USP32: variants seen among roughly 807,000 people sequenced by gnomAD.
USP32 encodes the protein ubiquitin carboxyl-terminal hydrolase 32.
Under a neutral mutation model 204.8 loss-of-function variants are expected in USP32, and 59 were observed. The ratio of observed to expected loss-of-function variants is 0.29; its 90% confidence interval spans 0.23 to 0.36. The LOEUF is 0.36. Ranked by LOEUF, USP32 falls within the 10% of genes least tolerant of loss-of-function variation. USP32 has a pLI of 1.00. For missense variants in USP32, 1,160 were observed against 1,946.4 expected, an observed-to-expected ratio of 0.60 and a Z score of 7.60; for synonymous variants, 517 against 678.4, an observed-to-expected ratio of 0.76 and a Z score of 3.70.
In USP32 at chr17:60,226,122, C is replaced by A; in HGVS notation, c.1349G>T (p.Ser450Ile). 1 of 1,607,910 alleles carries A rather than the reference C, an allele frequency of 6.2e-7. No individual in the cohort carries two copies. The highest frequency in any genetic ancestry group is 2.2e-5 in the East Asian group (1 of 44,578). Reference protein sequence around the residue: ...MEQVEDRIGSSLSYVNTTEEK... With the variant: ...MEQVEDRIGSILSYVNTTEEK... ...TTCTGTAGTATTCACGTAACTGAGG[C>A]TGCTTCCAATTCTATCTTCGACCTG... Residue 450 changes from serine (S) to isoleucine (I), a missense_variant, in exon 13 of 34, where the codon AGC (serine) becomes ATC (isoleucine). By Grantham distance (142) the Ser-to-Ile change is moderately radical. Coordinates refer to ENST00000300896, the MANE Select transcript of USP32 (RefSeq NM_032582.4).
At chr17:60,349,057 G>C (rs1416286236) in intron 1 of USP32, among the ~76,000 whole-genome samples, 3 of 151,758 alleles carry the variant, frequency 2.0e-5, no homozygotes, top group African/African-American at 7.3e-5. Flanking sequence ...AAATTAGGTT[G>C]TTCACAGTCT....
intron 2 of USP32, among the ~76,000 whole-genome samples, chr17:60,339,055 G>A (rs944276091): frequency 4.6e-5 from 7 of 151,602 alleles, no homozygotes; most frequent in African/African-American, 1.7e-4. Context: ...GATTACAGGA[G>A]CCCGCCACCA....
chr17:60,232,948 G>C (rs1194676190), intron 12 of USP32, among the ~76,000 whole-genome samples: 1 of 152,124 alleles, frequency 6.6e-6, no homozygotes, highest in Non-Finnish European at 1.5e-5. Context: ...ACTGGGCTAA[G>C]TGCTTCACAT....
intron 1 of USP32, among the ~76,000 whole-genome samples, chr17:60,350,875 T>C (rs1042809994): frequency 2.0e-5 from 3 of 151,964 alleles, no homozygotes. Context: ...AAAAACCACC[T>C]GTACCCCAAA....
At chr17:60,385,352 C>T (rs1423087466) in intron 1 of USP32, among the ~76,000 whole-genome samples, 1 of 152,198 alleles carries the variant, frequency 6.6e-6, no homozygotes, top group African/African-American at 2.4e-5. Context: ...TAAAAACCTT[C>T]ATTGCTCACA....
At chr17:60,248,000 T>A (rs1022919793) in intron 11 of USP32, among the ~76,000 whole-genome samples, 1 of 152,156 alleles carries the variant, frequency 6.6e-6, no homozygotes, top group African/African-American at 2.4e-5. Context: ...TATTTCTGGG[T>A]TCTCTGTTCT....
intron 28 of USP32, among the ~76,000 whole-genome samples, chr17:60,191,399 T>TTA (rs1227062271): frequency 9.3e-6 from 1 of 107,246 alleles, no homozygotes; most frequent in Non-Finnish European, 1.7e-5. Context: ...GAGACTCTGT[T>TTA]TAAAAAAAAA....
chr17:60,258,892 G>T (rs981339268), intron 9 of USP32, among the ~76,000 whole-genome samples: 4 of 151,936 alleles, frequency 2.6e-5, no homozygotes, highest in Non-Finnish European at 5.9e-5. Flanking sequence ...CCTATTTTTT[G>T]ACCTTTCCAT....
At chr17:60,344,393 G>T (rs1317552601) in intron 2 of USP32, among the ~76,000 whole-genome samples, 1 of 152,088 alleles carries the variant, frequency 6.6e-6, no homozygotes, top group African/African-American at 2.4e-5. Context: ...CTCCCAAAGT[G>T]CGGGGATTAC....
chr17:60,382,316 G>A (rs1030923947), intron 1 of USP32, among the ~76,000 whole-genome samples: 6 of 152,200 alleles, frequency 3.9e-5, no homozygotes, highest in African/African-American at 1.4e-4. Flanking sequence ...CAGCAACACA[G>A]TGAGGCTTCG....
chr17:60,326,932 CATA>C (rs1355674868), intron 2 of USP32, among the ~76,000 whole-genome samples: 2 of 151,764 alleles, frequency 1.3e-5, no homozygotes, highest in African/African-American at 2.4e-5. Context: ...AAGTTGATCT[CATA>C]GAAGTAGAGA....
intron 1 of USP32, among the ~76,000 whole-genome samples, chr17:60,408,662 G>A (rs2089996746): frequency 6.6e-6 from 1 of 152,136 alleles, no homozygotes; most frequent in Admixed American, 6.6e-5. Context: ...ACAGGCATGA[G>A]CCACCATGCC....
chr17:60,343,573 G>A (rs1338501240), intron 2 of USP32, among the ~76,000 whole-genome samples: 2 of 152,070 alleles, frequency 1.3e-5, no homozygotes, highest in East Asian at 3.8e-4. Context: ...ACGAAATGAA[G>A]GCAGAAATAA....
At chr17:60,237,827 A>T (rs563664319) in intron 11 of USP32, among the ~76,000 whole-genome samples, 1 of 152,200 alleles carries the variant, frequency 6.6e-6, no homozygotes, top group Non-Finnish European at 1.5e-5. Flanking sequence ...TTAACCATTC[A>T]TCCACTGATG....
At chr17:60,301,318 A>G (rs1475407269) in intron 3 of USP32, 4 of 217,998 alleles carry the variant, frequency 1.8e-5, no homozygotes, top group Non-Finnish European at 9.0e-6. Context: ...CCCATCAGCA[A>G]TGTATGATGT....
intron 1 of USP32, among the ~76,000 whole-genome samples, chr17:60,405,844 G>T (rs866263430): frequency 4.6e-5 from 7 of 152,216 alleles, no homozygotes; most frequent in African/African-American, 1.7e-4. Flanking sequence ...ATCGTGCATA[G>T]AATTTTATTC....
rs771193402 is a variant in USP32 at position 60,345,521 on chromosome 17, C to T, written c.146G>A (p.Arg49Gln). The T allele has an allele frequency of 1.4e-5, 23 of 1,614,022 alleles. No homozygotes were observed. Among genetic ancestry groups the T allele is most frequent in the African/African-American group, 2.7e-5 (2 of 74,914 alleles). Residue 49 changes from arginine (R) to glutamine (Q), a missense_variant, in exon 2 of 34, where the codon CGG becomes CAG. This residue lies in a region of USP32 where 536 missense variants were observed against 680.9 expected (regional missense o/e 0.79). Coordinates refer to ENST00000300896, the MANE Select transcript of USP32 (RefSeq NM_032582.4). ...SYYMGQHCFI[R>Q]EVLGDGVPPK... ...AGGCACTCCATCCCCAAGCACTTCC[C>T]GGATGAAGCAGTGCTGGCCCATGTA...
At chr17:60,359,340 A>G (rs1440843207) in intron 1 of USP32, among the ~76,000 whole-genome samples, 1 of 152,204 alleles carries the variant, frequency 6.6e-6, no homozygotes, top group African/African-American at 2.4e-5. Flanking sequence ...TGCCTTATTT[A>G]TATGTATCCC....
At position 60,205,344 on chromosome 17, in the gene USP32, G is replaced by A. The variant is rs1346044381; in HGVS notation, c.3249+103C>T. ...TTAAATTTTAAAAAATTAAAGAAAA[G>A]AAGAGAAGAAAATACATTCAATGAT... On this transcript the variant is annotated intron_variant, in intron 26 of 33. Transcript: ENST00000300896. 3 of 1,427,452 alleles carry A rather than the reference G, an allele frequency of 2.1e-6. No homozygotes were observed. The East Asian group carries it at 7.7e-5, about 37-fold the overall frequency. The allele number at this position is 1,427,452 out of a possible 1,614,324, so 88.4% of individuals were successfully genotyped here. A position where few individuals can be genotyped will look rare whatever the true frequency, so the allele number is the denominator to read the frequency against.
Sources: allele counts gnomAD v4.1 joint callset (sites outside exome capture counted in the v4.1 genomes callset), GRCh38; gene constraint gnomAD v4.1.1; regional missense constraint gnomAD v4.1.1; transcripts MANE v1.5; gene names NCBI Gene and HGNC (gene_info 2026-07-23, HGNC 2026-07-21).